The following PDS5B variants were observed in gnomAD, a reference collection of about 807,000 sequenced individuals.
PDS5B encodes sister chromatid cohesion protein PDS5 homolog B.
A neutral mutation model predicts 184.1 loss-of-function variants in PDS5B; 51 were observed. That is an observed-to-expected ratio of 0.28 (90% CI 0.22 to 0.35). The LOEUF (loss-of-function observed/expected upper bound fraction) is 0.35. Ranked by LOEUF, PDS5B falls within the 10% of genes least tolerant of loss-of-function variation. The pLI is 1.00. For missense variants in PDS5B, 1,180 were observed against 1,723.3 expected (o/e 0.68, Z 5.58); for synonymous variants, 566 against 569.2 (o/e 0.99, Z 0.08).
In PDS5B at chr13:32,753,374, C is replaced by T. The variant is rs1954056737; in HGVS notation, c.2779C>T (p.His927Tyr). Residue 927 changes from histidine to tyrosine, a missense_variant, in exon 25 of 35, where the codon CAC (histidine) becomes TAC (tyrosine). Physicochemically the swap from His to Tyr is moderately conservative, Grantham distance 83. Coordinates refer to ENST00000315596, the MANE Select transcript of PDS5B (RefSeq NM_015032.4). ...QVRQVFAQKL[H>Y]KGLSRLRLPL... ...AAGACAAGTGTTTGCCCAGAAACTT[C>T]ACAAAGGCCTTTCCCGTTTACGGCT... 6 of 1,613,920 alleles carry T rather than the reference C, an allele frequency of 3.7e-6. No homozygotes were observed. Among genetic ancestry groups the T allele is most frequent in the Non-Finnish European group, 5.1e-6 (6 of 1,179,826 alleles).
chr13:32,616,145 C>T (rs916404419), intron 1 of PDS5B, among the ~76,000 whole-genome samples: 1 of 151,956 alleles, frequency 6.6e-6, no homozygotes, highest in African/African-American at 2.4e-5. Context: ...ACTCTGCCTC[C>T]TGGGTTCAAG....
At chr13:32,743,867 A>G (rs1376737487) in intron 23 of PDS5B, among the ~76,000 whole-genome samples, 2 of 152,120 alleles carry the variant, frequency 1.3e-5, no homozygotes, top group Admixed American at 1.3e-4. Context: ...AATAATAAGT[A>G]TGTTTTCATT....
chr13:32,628,837 T>C (rs2058411572), intron 1 of PDS5B, among the ~76,000 whole-genome samples: 1 of 150,890 alleles, frequency 6.6e-6, no homozygotes, highest in Admixed American at 6.6e-5. Context: ...ACACTTCATG[T>C]AGCTGTTGTT....
At chr13:32,597,101 A>T (rs2057887779) in intron 1 of PDS5B, among the ~76,000 whole-genome samples, 1 of 151,892 alleles carries the variant, frequency 6.6e-6, no homozygotes, top group Admixed American at 6.6e-5. Flanking sequence ...TGGCGCCATC[A>T]TAGCTCACTG....
At chr13:32,753,174 A>G (rs1211624171) in intron 24 of PDS5B, among the ~76,000 whole-genome samples, 158 bp from the exon 25 acceptor site, 2 of 152,196 alleles carry the variant, frequency 1.3e-5, no homozygotes, top group African/African-American at 2.4e-5. Context: ...TTCAAAATGA[A>G]CTTTAGTCAC....
intron 1 of PDS5B, among the ~76,000 whole-genome samples, chr13:32,610,810 G>C (rs765007836): frequency 2.4e-4 from 36 of 152,006 alleles, no homozygotes; most frequent in Non-Finnish European, 4.9e-4. Context: ...CAGAGTTCTT[G>C]GTGAGGATGA....
chr13:32,640,613 G>A (rs929276454), intron 1 of PDS5B, among the ~76,000 whole-genome samples: 1 of 152,066 alleles, frequency 6.6e-6, no homozygotes, highest in Non-Finnish European at 1.5e-5. Flanking sequence ...ATAATAATAT[G>A]CATATGATAA....
chr13:32,621,562 G>T (rs1185470652), intron 1 of PDS5B, among the ~76,000 whole-genome samples: 1 of 152,224 alleles, frequency 6.6e-6, no homozygotes, highest in Non-Finnish European at 1.5e-5. Context: ...ATTTGGAACA[G>T]CTCATCAAGC....
intron 22 of PDS5B, among the ~76,000 whole-genome samples, chr13:32,741,455 G>A (rs1953548554): frequency 6.6e-6 from 1 of 152,008 alleles, no homozygotes; most frequent in South Asian, 2.1e-4. Flanking sequence ...CAGATTTTAA[G>A]CCTATTCATC....
intron 19 of PDS5B, among the ~76,000 whole-genome samples, chr13:32,720,752 A>G (rs1338470005): frequency 6.6e-6 from 1 of 151,798 alleles, no homozygotes; most frequent in Non-Finnish European, 1.5e-5. Context: ...AAACATGTGA[A>G]CAAAGGTCTC....
intron 19 of PDS5B, among the ~76,000 whole-genome samples, chr13:32,731,684 T>C (rs1266990967): frequency 6.6e-6 from 1 of 152,178 alleles, no homozygotes; most frequent in Non-Finnish European, 1.5e-5. Flanking sequence ...TTTTGTGGTT[T>C]GCTCTGGCAC....
chr13:32,604,692 C>T lies in PDS5B; in HGVS notation c.-20+18099C>T, dbSNP rs1010738005. On this transcript the variant is annotated intron_variant, in intron 1 of 34. Coordinates refer to ENST00000315596, the MANE Select transcript of PDS5B (RefSeq NM_015032.4). ...CCTCTGGTAGAATTTGGCTGTGAAT[C>T]CATCTGGTCCTGGACTTTTTTTGGT... Among the ~76,000 whole-genome samples, 10 of 152,316 alleles carry T rather than the reference C, an allele frequency of 6.6e-5. No individual in the cohort carries two copies. The East Asian group carries it at 1.7e-3, about 26-fold the overall frequency.
At chr13:32,630,620 G>A (rs1461990734) in intron 1 of PDS5B, among the ~76,000 whole-genome samples, 1 of 152,086 alleles carries the variant, frequency 6.6e-6, no homozygotes, top group East Asian at 1.9e-4. Context: ...ATAGTAGTTG[G>A]GTAGTAGATA....
At chr13:32,732,731 A>T (rs1953168769) in intron 20 of PDS5B, among the ~76,000 whole-genome samples, 1 of 152,150 alleles carries the variant, frequency 6.6e-6, no homozygotes, top group Non-Finnish European at 1.5e-5. Context: ...CATTCTAAAT[A>T]ACTTTTACCC....
At chr13:32,655,359 C>CATATATATATATATGTAT (rs1555296312) in intron 3 of PDS5B, among the ~76,000 whole-genome samples, 2 of 39,610 alleles carry the variant, frequency 5.0e-5, no homozygotes, top group African/African-American at 1.5e-4. Flanking sequence ...TGTTCTTTGC[C>CATATATATATATATGTAT]ATATATATAT....
chr13:32,659,506 A>G (rs1019894111), intron 6 of PDS5B, among the ~76,000 whole-genome samples: 2 of 152,208 alleles, frequency 1.3e-5, no homozygotes, highest in African/African-American at 2.4e-5. Flanking sequence ...GTTATAATTC[A>G]GTTGCATATG....
At chr13:32,755,063 C>G (rs1200563516) in intron 25 of PDS5B, among the ~76,000 whole-genome samples, 1 of 152,126 alleles carries the variant, frequency 6.6e-6, no homozygotes, top group African/African-American at 2.4e-5. Context: ...AAACTGTTCT[C>G]TGTAGATTTA....
At chr13:32,655,374 A>ATATATATATATATATATATAT in intron 3 of PDS5B, among the ~76,000 whole-genome samples, 3 of 72,464 alleles carry the variant, frequency 4.1e-5, no homozygotes, top group Admixed American at 1.8e-4. Context: ...ATATATATAT[A>ATATATATATATATATATATAT]TTTTTTTTTT....
intron 1 of PDS5B, among the ~76,000 whole-genome samples, chr13:32,629,894 G>C (rs554489620): frequency 6.6e-6 from 1 of 152,290 alleles, no homozygotes; most frequent in Non-Finnish European, 1.5e-5. Context: ...AATCAGAGTT[G>C]ATGATTTTCC....
Sources: gnomAD v4.1 joint callset for allele counts (sites outside exome capture counted in the v4.1 genomes callset) on GRCh38, gnomAD v4.1.1 for gene constraint, MANE v1.5 for transcripts, NCBI Gene and HGNC (gene_info 2026-07-23, HGNC 2026-07-21) for gene names.